C6orf120: variants seen among roughly 807,000 people sequenced by gnomAD.
The protein encoded by C6orf120 is chromosome 6 open reading frame 120, also known as UPF0669 protein C6orf120.
For missense variants in C6orf120, 311 were observed against 264.2 expected (o/e 1.18, Z -1.23); for synonymous variants, 165 against 123.1 (o/e 1.34, Z -2.25).
chr6:169,704,192 C>T, exon 1 of C6orf120: 1 of 802,684 alleles, frequency 1.2e-6, no homozygotes, highest in Admixed American at 3.7e-5. Flanking sequence ...TGATATTCCT[C>T]TCTGGATTTT....
At chr6:169,702,159 C>G, upstream of C6orf120, 3 of 628,976 alleles carry the variant, frequency 4.8e-6, no homozygotes, top group Middle Eastern at 2.5e-4. Context: ...GGCCTCGGGT[C>G]CGGATGTATA....
exon 1 of C6orf120, chr6:169,702,930 C>T (rs756160263): frequency 1.2e-6 from 2 of 1,612,362 alleles, no homozygotes; most frequent in South Asian, 1.1e-5. Flanking sequence ...CAGATGCCGG[C>T]CAGAAGCACG....
downstream of C6orf120, chr6:169,705,488 C>G: frequency 4.2e-6 from 3 of 718,500 alleles, no homozygotes; most frequent in South Asian, 5.1e-5. Context: ...TGTGTCTATG[C>G]CTCACAAGCT....
At chr6:169,705,271 T>C, downstream of C6orf120, 4 of 1,613,464 alleles carry the variant, frequency 2.5e-6, no homozygotes, top group Non-Finnish European at 3.4e-6. Context: ...CATGGGTAGG[T>C]CTTAATCATA....
At chr6:169,704,719 C>T (rs1323575898) in exon 1 of C6orf120, 1 of 172,370 alleles carries the variant, frequency 5.8e-6, no homozygotes, top group East Asian at 1.9e-4. Context: ...ATTTATTCAA[C>T]TCTGTTCTAA....
At chr6:169,702,834 G>T (rs1379271875) in exon 1 of C6orf120, 11 of 1,612,166 alleles carry the variant, frequency 6.8e-6, no homozygotes, top group Non-Finnish European at 8.5e-6. Flanking sequence ...CCTCCCACCT[G>T]GAGAGCGAGT....
At chr6:169,705,202 TTTC>T (rs1380565441), downstream of C6orf120, 8 of 1,613,892 alleles carry the variant, frequency 5.0e-6, no homozygotes, top group South Asian at 1.1e-5. Flanking sequence ...CAGAACATCA[TTTC>T]TTCTTCATGG....
downstream of C6orf120, chr6:169,705,045 A>G (rs762279643): frequency 8.8e-4 from 839 of 952,918 alleles, no homozygotes; most frequent in Non-Finnish European, 1.3e-3. Flanking sequence ...CAAGCTCTTC[A>G]TGTCATGATA....
chr6:169,702,164 T>G (rs1264944746), upstream of C6orf120: 94 of 610,600 alleles, frequency 1.5e-4, no homozygotes, highest in East Asian at 5.9e-4. Flanking sequence ...CGGGTCCGGA[T>G]GTATAAAGCG....
exon 1 of C6orf120, chr6:169,703,108 A>C: frequency 7.0e-7 from 1 of 1,434,992 alleles, no homozygotes; most frequent in South Asian, 1.3e-5. Context: ...GAACCTTGCT[A>C]CTTGTACTTG....
rs200117070 is a variant in C6orf120 at position 169,702,220 on chromosome 6, G to GCCCTGC, written c.-219_-214dup. ...TGGTGAGTCCGAGGGTGCCACAGCG[G>GCCCTGC]CCCTGCCCCTGCCCCTGCCCCTGCC... On this transcript the variant is annotated 5_prime_UTR_variant, in exon 1 of 1. Coordinates refer to ENST00000332290, the Ensembl canonical transcript of C6orf120. 9.1e-3 allele frequency: 6,237 copies of GCCCTGC among 687,096 alleles called. 121 individuals are homozygous for GCCCTGC. Among genetic ancestry groups the GCCCTGC allele is most frequent in the East Asian group, 0.063 (2,257 of 35,902 alleles). 42.6% of individuals were successfully genotyped at this position (687,096 alleles called of 1,614,324 possible).
chr6:169,703,287 C>T, exon 1 of C6orf120: 1 of 529,210 alleles, frequency 1.9e-6, no homozygotes, highest in Non-Finnish European at 3.5e-6. Flanking sequence ...TTTCATTAGG[C>T]AGGTTGACTA....
chr6:169,702,553 G>A (rs1487114851), exon 1 of C6orf120: 2 of 1,612,644 alleles, frequency 1.2e-6, no homozygotes, highest in African/African-American at 1.3e-5. Flanking sequence ...CTGCGCGGAC[G>A]AGGAGGAGGT....
chr6:169,705,743 GCT>G (rs760647087), downstream of C6orf120: 4 of 1,179,922 alleles, frequency 3.4e-6, no homozygotes, highest in Non-Finnish European at 5.1e-6. Context: ...GTAGAAGAGG[GCT>G]ATAAATTCAT....
At chr6:169,702,241 C>T (rs1562974972) in exon 1 of C6orf120, 7 of 693,038 alleles carry the variant, frequency 1.0e-5, no homozygotes, top group Non-Finnish European at 5.3e-6. Flanking sequence ...GCCCCTGCCC[C>T]TGCCCTGAGT....
At position 169,703,992 on chromosome 6, in the gene C6orf120, C is replaced by A. The variant is rs1788662456; in HGVS notation, c.*957C>A. On this transcript the variant is annotated 3_prime_UTR_variant, in exon 1 of 1. Coordinates refer to ENST00000332290, the Ensembl canonical transcript of C6orf120. ...TTAAATGCATATACAGTATTAGAGT[C>A]AAAAACTATTTTATCCCTCTTTGCT... is the stretch of plus-strand genomic sequence containing the variant. 8 of 1,591,512 alleles carry A rather than the reference C, an allele frequency of 5.0e-6. No homozygotes were observed. In the South Asian group the frequency reaches 9.2e-5, roughly 18 times the overall value.
chr6:169,703,970 A>T, exon 1 of C6orf120: 1 of 1,454,094 alleles, frequency 6.9e-7, no homozygotes, highest in Non-Finnish European at 9.3e-7. Context: ...ATTCCACTTA[A>T]ATGCATATAC....
At chr6:169,703,059 T>C in exon 1 of C6orf120, 1 of 1,536,756 alleles carries the variant, frequency 6.5e-7, no homozygotes. Context: ...CTCTGGGATA[T>C]AAAACCCTCC....
exon 1 of C6orf120, chr6:169,702,423 T>C: frequency 5.3e-6 from 7 of 1,322,136 alleles, no homozygotes; most frequent in Non-Finnish European, 7.3e-6. Context: ...CCAGCAGCAC[T>C]GACCCACTTG....
Sources: allele counts gnomAD v4.1 joint callset, GRCh38; gene constraint gnomAD v4.1.1; transcripts MANE v1.5; gene names NCBI Gene and HGNC (gene_info 2026-07-23, HGNC 2026-07-21).